The following NAALADL2 variants were observed in gnomAD, a reference collection of about 807,000 sequenced individuals.
The protein encoded by NAALADL2 is N-acetylated alpha-linked acidic dipeptidase like 2, also known as inactive N-acetylated-alpha-linked acidic dipeptidase-like protein 2.
In NAALADL2, 76 loss-of-function variants were observed where a neutral mutation model predicts 87.2. The ratio of observed to expected loss-of-function variants is 0.87; its 90% CI spans 0.72 to 1.05. The LOEUF (loss-of-function observed/expected upper bound fraction) is 1.05, where lower values mean the gene tolerates loss of function less well. Among genes scored for constraint, NAALADL2 ranks in the 50% least tolerant of loss-of-function variants. The pLI, the probability that NAALADL2 is intolerant of heterozygous loss-of-function variation, is 0.00. For missense variants in NAALADL2, 1,089 were observed against 945.8 expected (o/e 1.15, Z -1.99); for synonymous variants, 354 against 331.0 (o/e 1.07, Z -0.75).
intron 5 of NAALADL2, among the ~76,000 whole-genome samples, chr3:175,413,652 G>T (rs1264520667): frequency 2.6e-5 from 4 of 151,154 alleles, no homozygotes; most frequent in African/African-American, 9.7e-5. Context: ...TTGTCATTTA[G>T]AAAATTACCT....
At chr3:175,036,278 T>C (rs978477929) in intron 1 of NAALADL2, among the ~76,000 whole-genome samples, 2 of 152,214 alleles carry the variant, frequency 1.3e-5, no homozygotes, top group African/African-American at 4.8e-5. Context: ...AAGGTCATTA[T>C]TGTCATTTTC....
chr3:175,617,161 T>C (rs949090047), intron 10 of NAALADL2, among the ~76,000 whole-genome samples: 1 of 152,140 alleles, frequency 6.6e-6, no homozygotes, highest in African/African-American at 2.4e-5. Context: ...GGTTAAAGGC[T>C]TTCCTGAGAT....
chr3:175,056,300 A>C (rs68175022), intron 1 of NAALADL2, among the ~76,000 whole-genome samples: 38,853 of 151,984 alleles, frequency 0.26, 5,317 homozygotes, highest in African/African-American at 0.35. Flanking sequence ...CCTTCTTATC[A>C]TTAGTGTGAA....
intron 1 of NAALADL2, among the ~76,000 whole-genome samples, chr3:175,070,396 T>C (rs1339283809): frequency 6.6e-6 from 1 of 152,052 alleles, no homozygotes; most frequent in Non-Finnish European, 1.5e-5. Flanking sequence ...GAGAATCTCC[T>C]AGATGATGTA....
chr3:175,521,406 C>CT (rs889521869), intron 9 of NAALADL2, among the ~76,000 whole-genome samples: 20 of 151,376 alleles, frequency 1.3e-4, no homozygotes, highest in East Asian at 5.8e-4. Flanking sequence ...TTAGTTCTAA[C>CT]TTTTTTTTTC....
At chr3:175,794,110 G>A (rs1753161501) in intron 13 of NAALADL2, among the ~76,000 whole-genome samples, 1 of 152,160 alleles carries the variant, frequency 6.6e-6, no homozygotes, top group Non-Finnish European at 1.5e-5. Flanking sequence ...ATGGAAAAAG[G>A]ACAATGCAAA....
chr3:175,427,817 T>C (rs1316937165), intron 5 of NAALADL2, among the ~76,000 whole-genome samples: 3 of 150,982 alleles, frequency 2.0e-5, no homozygotes, highest in Non-Finnish European at 3.0e-5. Flanking sequence ...TTTACTTTCA[T>C]CCATACCCAA....
intron 10 of NAALADL2, among the ~76,000 whole-genome samples, chr3:175,619,111 AT>A (rs1223771461): frequency 1.3e-5 from 2 of 152,100 alleles, no homozygotes; most frequent in Non-Finnish European, 2.9e-5. Flanking sequence ...CCCTTGCTAA[AT>A]TGCAGCCAAC....
intron 2 of NAALADL2, among the ~76,000 whole-genome samples, chr3:174,657,041 C>CTTTTTTTTTTT (rs60569510): frequency 2.6e-5 from 3 of 115,818 alleles, no homozygotes; most frequent in African/African-American, 1.1e-4. Context: ...TTTCCTTCTT[C>CTTTTTTTTTTT]TTTTTTTTTT....
At chr3:174,666,526 A>G (rs1725971159) in intron 2 of NAALADL2, among the ~76,000 whole-genome samples, 1 of 152,180 alleles carries the variant, frequency 6.6e-6, no homozygotes, top group African/African-American at 2.4e-5. Flanking sequence ...TTATCACTAC[A>G]TAATTTTATT....
chr3:175,455,948 A>G (rs1046577099), intron 6 of NAALADL2, among the ~76,000 whole-genome samples: 1 of 152,162 alleles, frequency 6.6e-6, no homozygotes, highest in Admixed American at 6.6e-5. Context: ...CAAATATTCA[A>G]TTAAACTTAG....
chr3:175,323,996 C>G (rs1191008820), intron 4 of NAALADL2, among the ~76,000 whole-genome samples, 179 bp from the exon 5 acceptor site: 2 of 127,774 alleles, frequency 1.6e-5, no homozygotes, highest in African/African-American at 6.2e-5. Context: ...CCAGCCTGGG[C>G]GACAGAGCGA....
intron 3 of NAALADL2, among the ~76,000 whole-genome samples, chr3:174,808,844 G>A (rs997433389): frequency 1.3e-5 from 2 of 148,936 alleles, no homozygotes; most frequent in African/African-American, 5.0e-5. Flanking sequence ...GTGTGTGTTG[G>A]TGGTGCCTGG....
intron 2 of NAALADL2, among the ~76,000 whole-genome samples, chr3:174,661,266 T>G (rs1018395769): frequency 2.6e-5 from 4 of 152,178 alleles, no homozygotes; most frequent in African/African-American, 9.6e-5. Flanking sequence ...TTGGCTTCCA[T>G]TCTTAGAAAA....
intron 1 of NAALADL2, among the ~76,000 whole-genome samples, chr3:174,874,693 TA>T (rs1410127019): frequency 1.3e-5 from 2 of 152,164 alleles, no homozygotes; most frequent in Non-Finnish European, 2.9e-5. Context: ...ATTCAAGGTA[TA>T]TTTTTTTTGC....
upstream of NAALADL2, among the ~76,000 whole-genome samples, chr3:174,856,002 ATGAG>A (rs1416639835): frequency 7.5e-6 from 1 of 132,858 alleles, no homozygotes; most frequent in African/African-American, 2.9e-5. Flanking sequence ...ATATATATAT[ATGAG>A]AGAGAGAAGT....
intron 5 of NAALADL2, among the ~76,000 whole-genome samples, chr3:175,437,638 GC>G (rs752696581): frequency 3.3e-5 from 5 of 150,312 alleles, no homozygotes; most frequent in Non-Finnish European, 5.9e-5. Flanking sequence ...AGCCCGCATT[GC>G]CAAGTCAATC....
intron 2 of NAALADL2, among the ~76,000 whole-genome samples, chr3:175,187,446 C>A (rs1481716228): frequency 6.6e-6 from 1 of 152,034 alleles, no homozygotes; most frequent in Non-Finnish European, 1.5e-5. Flanking sequence ...TTTATTCAAA[C>A]CCTAATATTG....
intron 5 of NAALADL2, among the ~76,000 whole-genome samples, chr3:175,361,835 G>T (rs1001414435): frequency 3.4e-5 from 5 of 147,928 alleles, no homozygotes; most frequent in African/African-American, 1.2e-4. Context: ...CACTCTGGTG[G>T]TAGTTTCTTT....
Sources: allele counts gnomAD v4.1 joint callset (sites outside exome capture counted in the v4.1 genomes callset), GRCh38; gene constraint gnomAD v4.1.1; transcripts MANE v1.5; gene names NCBI Gene and HGNC (gene_info 2026-07-23, HGNC 2026-07-21).